Variants in EPYC observed in about 807,000 individuals in gnomAD.
EPYC encodes dermatan sulfate proteoglycan 3.
In EPYC, 28 loss-of-function variants were observed where a neutral mutation model predicts 30.1. The ratio of observed to expected loss-of-function variants is 0.93; its 90% confidence interval spans 0.69 to 1.28. EPYC has a LOEUF of 1.28. Among genes scored for constraint, EPYC ranks in the 50% most tolerant of loss-of-function variants. EPYC has a pLI of 0.00. For missense variants in EPYC, 382 were observed against 383.5 expected (o/e 1.00, Z 0.03); for synonymous variants, 144 against 141.4 (o/e 1.02, Z -0.13).
At chr12:90,988,994 G>T (rs1565874597) in intron 2 of EPYC, among the ~76,000 whole-genome samples, 2 of 152,054 alleles carry the variant, frequency 1.3e-5, no homozygotes, top group Admixed American at 6.6e-5. Context: ...TGAATGCATG[G>T]AATTGTCTCA....
intron 3 of EPYC, among the ~76,000 whole-genome samples, chr12:90,976,609 T>C (rs1877186503): frequency 6.6e-6 from 1 of 152,126 alleles, no homozygotes; most frequent in Non-Finnish European, 1.5e-5. Context: ...ATGCCTTAGG[T>C]AATATTGCTC....
In EPYC at chr12:90,978,164, A is replaced by C. The variant is rs1369043204; in HGVS notation, c.264T>G (p.Ser88=). 1.9e-6 allele frequency: 3 copies of C among 1,606,796 alleles called. No individual in the cohort carries two copies. Among genetic ancestry groups the C allele is most frequent in the Non-Finnish European group, 2.5e-6 (3 of 1,176,802 alleles). ...AAGAGCCATCAATCAGCCTGGGAGT[A>C]GATTCCTCCTCCTCTTCCTCTTCCT... The part of the protein sequence containing the change: ...KAQEEEEEEE[S]TPRLIDGSSP... Residue 88 remains serine, a synonymous_variant, in exon 3 of 7, where the codon TCT becomes TCG. Coordinates refer to ENST00000261172, the MANE Select transcript of EPYC (RefSeq NM_004950.5).
Position 90,966,493 on chromosome 12 carries a change from C to A in EPYC, c.799-2167G>T, listed in dbSNP as rs149729474. ...TTATATTTCTGCAATCCCATTTGGTCGTGATGTGTAATCTTTTCTATATGT... is the reference window on the plus strand; with the variant it reads ...TTATATTTCTGCAATCCCATTTGGTAGTGATGTGTAATCTTTTCTATATGT... On this transcript the variant is annotated intron_variant, in intron 6 of 6. Transcript: ENST00000261172. Among the ~76,000 whole-genome samples the A allele has an allele frequency of 5.3e-4, 81 of 151,972 alleles. 2 individuals are homozygous for A. In the East Asian group the frequency reaches 0.015, roughly 27 times the overall value.
intron 2 of EPYC, among the ~76,000 whole-genome samples, chr12:90,993,248 T>TG (rs1412533922): frequency 6.6e-6 from 1 of 152,128 alleles, no homozygotes; most frequent in Non-Finnish European, 1.5e-5. Context: ...CAAAGATTTA[T>TG]GGGGGTAGAC....
intron 2 of EPYC, among the ~76,000 whole-genome samples, chr12:91,000,545 A>AT (rs1303700383): frequency 3.3e-5 from 5 of 151,810 alleles, no homozygotes; most frequent in African/African-American, 4.8e-5. Context: ...AGATATAGTC[A>AT]TTTTTTTCAT....
chr12:90,993,249 G>A (rs1877627493), intron 2 of EPYC, among the ~76,000 whole-genome samples: 1 of 152,132 alleles, frequency 6.6e-6, no homozygotes, highest in Non-Finnish European at 1.5e-5. Context: ...AAAGATTTAT[G>A]GGGGTAGACT....
In EPYC at chr12:90,971,799, C is replaced by G. The variant is rs200473998; in HGVS notation, c.702+1G>C. 2.3e-5 allele frequency: 36 copies of G among 1,570,138 alleles called. No homozygotes were observed. The East Asian group carries it at 7.0e-4, about 31-fold the overall frequency. ...GTCTGCATATCAAACTTAAAACTTA[C>G]TTTAAATGCTTCTTGCTTTATCCCT... On this transcript the variant is annotated splice_donor_variant, in intron 5 of 6. Coordinates refer to ENST00000261172, the MANE Select transcript of EPYC (RefSeq NM_004950.5). LOFTEE classifies it high-confidence loss of function.
At chr12:90,970,194 G>T (rs1877005388) in intron 5 of EPYC, 55 bp from the exon 6 acceptor site, 2 of 1,292,846 alleles carry the variant, frequency 1.5e-6, no homozygotes, top group Non-Finnish European at 2.2e-6. Context: ...AACTCAATAA[G>T]AAATAAAAAA....
At chr12:90,993,522 T>C (rs1298292116) in intron 2 of EPYC, among the ~76,000 whole-genome samples, 1 of 152,140 alleles carries the variant, frequency 6.6e-6, no homozygotes, top group Non-Finnish European at 1.5e-5. Flanking sequence ...TTAGCATTAC[T>C]GCCCAGAAAA....
chr12:91,003,634 A>G (rs1227851474), intron 1 of EPYC, among the ~76,000 whole-genome samples: 1 of 152,102 alleles, frequency 6.6e-6, no homozygotes, highest in Admixed American at 6.6e-5. Flanking sequence ...TCTTACCAAA[A>G]TGTTACCTAG....
rs150095085 is a variant in EPYC, at chr12:90,971,558, G to A, written c.702+242C>T. Among the ~76,000 whole-genome samples the A allele has an allele frequency of 5.7e-3, 873 of 152,006 alleles. 4 individuals carry two copies. The highest frequency in any genetic ancestry group is 0.02 in the African/African-American group (841 of 41,448). ...TGGTGACACGCATCTTGTAGTCCCA[G>A]CTACTTGGGAGGCTGAGGCAGGAGG... is the stretch of plus-strand genomic sequence containing the variant. On this transcript the variant is annotated intron_variant, in intron 5 of 6. Transcript: ENST00000261172.
chr12:90,978,845 T>C (rs1342005897), intron 2 of EPYC, among the ~76,000 whole-genome samples: 1 of 152,134 alleles, frequency 6.6e-6, no homozygotes, highest in Non-Finnish European at 1.5e-5. Flanking sequence ...ATAAAATATA[T>C]AGTGACATAA....
In EPYC at chr12:90,964,046, TC is replaced by T; in HGVS notation, c.*109del. On this transcript the variant is annotated 3_prime_UTR_variant, in exon 7 of 7. Transcript: ENST00000261172. The stretch of plus-strand genomic sequence containing the variant: ...TTTAATTGTATTTTATGTAGTCATA[TC>T]ATCTCTCAGAACACAATCTCAAAGT... 3.7e-6 allele frequency: 3 copies of T among 815,438 alleles called. No homozygotes were observed. The highest frequency in any genetic ancestry group is 5.7e-6 in the Non-Finnish European group (3 of 528,268). The allele number at this position is 815,438 out of a possible 1,614,324, so 50.5% of individuals were successfully genotyped here.
At position 90,964,191 on chromosome 12, in the gene EPYC, A is replaced by G. The variant is rs748094270; in HGVS notation, c.934T>C (p.Cys312Arg). 1.9e-6 allele frequency: 3 copies of G among 1,613,082 alleles called. No homozygotes were observed. Among genetic ancestry groups the G allele is most frequent in the Non-Finnish European group, 2.5e-6 (3 of 1,179,322 alleles). The change falls in exon 7 of 7, where the codon TGT (cysteine) becomes CGT (arginine). Residue 312 changes from cysteine to arginine, a missense_variant. Coordinates refer to ENST00000261172, the MANE Select transcript of EPYC (RefSeq NM_004950.5). ...CTCCCAACAGGCAGACGAGGTAGAC[A>G]CATGTATGCTTGAGGAGTTTTGCTG... ...NLSKTPQAYM[C>R]LPRLPVGSLV
intron 1 of EPYC, among the ~76,000 whole-genome samples, chr12:91,003,471 A>G (rs1382614845): frequency 6.6e-6 from 1 of 152,048 alleles, no homozygotes; most frequent in Admixed American, 6.6e-5. Flanking sequence ...CTTAATAAGC[A>G]CAATTCTTAT....
chr12:90,978,197 C>T lies in EPYC; in HGVS notation c.231G>A (p.Glu77=). ...CCTCCTCTTCCTCTTCCTGGGCCTTCTCAGGCTGTGGGGGTGGAGTGAGGA... is the reference window on the plus strand; with the variant it reads ...CCTCCTCTTCCTCTTCCTGGGCCTTTTCAGGCTGTGGGGGTGGAGTGAGGA... ...RELLTPPPQP[E]KAQEEEEEEE... The change falls in exon 3 of 7, where the codon GAG becomes GAA. Residue 77 remains glutamate, a synonymous_variant. Transcript: ENST00000261172. 1 of 1,605,158 alleles carries T rather than the reference C, an allele frequency of 6.2e-7. No homozygotes were observed. The highest frequency in any genetic ancestry group is 1.7e-5 in the Admixed American group (1 of 58,926).
chr12:90,990,377 G>GA (rs996453471), intron 2 of EPYC, among the ~76,000 whole-genome samples: 2 of 151,942 alleles, frequency 1.3e-5, no homozygotes, highest in Non-Finnish European at 2.9e-5. Flanking sequence ...TTTTGTATAA[G>GA]AAAAAAATGT....
intron 2 of EPYC, 114 bp downstream of exon 2, chr12:91,002,287 A>T: frequency 1.2e-6 from 1 of 822,488 alleles, no homozygotes; most frequent in Non-Finnish European, 1.9e-6. Context: ...TGAAATTATT[A>T]ACATAAAATC....
rs564710569 is a variant in EPYC at position 90,985,537 on chromosome 12, A to G, written c.166-7275T>C. ...GGAAAAGCGATATCAGAGAAAAGCCACAGCCTTAGTCATGGCTCTCAGACA... is the reference window on the plus strand; with the variant it reads ...GGAAAAGCGATATCAGAGAAAAGCCGCAGCCTTAGTCATGGCTCTCAGACA... On this transcript the variant is annotated intron_variant, in intron 2 of 6. Coordinates refer to ENST00000261172, the MANE Select transcript of EPYC (RefSeq NM_004950.5). 3.3e-5 allele frequency among the ~76,000 whole-genome samples: 5 copies of G among 152,302 alleles called. No individual in the cohort carries two copies. The East Asian group carries it at 9.7e-4, about 29-fold the overall frequency.
Sources: gnomAD v4.1 joint callset for allele counts (sites outside exome capture counted in the v4.1 genomes callset) on GRCh38, gnomAD v4.1.1 for gene constraint, MANE v1.5 for transcripts, NCBI Gene and HGNC (gene_info 2026-07-23, HGNC 2026-07-21) for gene names.